Variants in FLNB observed in about 807,000 individuals in gnomAD.
The protein encoded by FLNB is filamin B, also known as filamin-B.
A neutral mutation model predicts 250.6 loss-of-function variants in FLNB; 111 were observed. The ratio of observed to expected loss-of-function variants is 0.44; its 90% CI spans 0.38 to 0.52. FLNB has a LOEUF of 0.52. Among genes scored for constraint, FLNB ranks in the 20% least tolerant of loss-of-function variants. The pLI is 0.00. For missense variants in FLNB, 2,869 were observed against 3,447.8 expected (o/e 0.83, Z 4.20); for synonymous variants, 1,302 against 1,372.1 (o/e 0.95, Z 1.13).
At chr3:58,058,975 A>G (rs2097174288) in intron 1 of FLNB, among the ~76,000 whole-genome samples, 1 of 152,226 alleles carries the variant, frequency 6.6e-6, no homozygotes, top group South Asian at 2.1e-4. Flanking sequence ...TGGAGATAAA[A>G]TTTTTAAACA....
intron 9 of FLNB, among the ~76,000 whole-genome samples, chr3:58,103,611 G>A (rs2107090058): frequency 6.6e-6 from 1 of 152,254 alleles, no homozygotes; most frequent in African/African-American, 2.4e-5. Flanking sequence ...GACTAGGAAG[G>A]GTAGCTATGA....
At chr3:58,052,052 AGTTTTTGT>A (rs1262500316) in intron 1 of FLNB, among the ~76,000 whole-genome samples, 1 of 151,908 alleles carries the variant, frequency 6.6e-6, no homozygotes, top group African/African-American at 2.4e-5. Context: ...ACACCCTGCT[AGTTTTTGT>A]GTTTTTACTA....
At chr3:58,106,061 C>T (rs2097259001) in intron 11 of FLNB, among the ~76,000 whole-genome samples, 2 of 152,012 alleles carry the variant, frequency 1.3e-5, no homozygotes, top group African/African-American at 2.4e-5. Context: ...TATCTTTATG[C>T]GTAAATATAG....
In FLNB at chr3:58,105,074, C is replaced by A. The variant is rs201517703; in HGVS notation, c.1611-6C>A. The A allele has an allele frequency of 1.2e-6, 2 of 1,614,238 alleles. No homozygotes were observed. The highest frequency in any genetic ancestry group is 4.5e-5 in the East Asian group (2 of 44,886). ...TTTGATGCTTCTTCTATTCCTTTCC[C>A]TGTAGCCCCTTTGAAGTTCAAGTTG... On this transcript the variant is annotated splice_polypyrimidine_tract_variant and splice_region_variant and intron_variant, in intron 10 of 45. Transcript: ENST00000295956.
intron 1 of FLNB, among the ~76,000 whole-genome samples, chr3:58,015,253 T>C (rs755816146): frequency 2.0e-5 from 3 of 152,188 alleles, no homozygotes; most frequent in Non-Finnish European, 4.4e-5. Context: ...GGGAGCATTA[T>C]ATTTGATGAG....
intron 25 of FLNB, chr3:58,131,958 C>A: frequency 6.5e-7 from 1 of 1,537,192 alleles, no homozygotes; most frequent in Non-Finnish European, 8.7e-7. Context: ...CATGGCGCAG[C>A]CCCTTGAAAG....
chr3:58,168,755 T>A, intron 44 of FLNB, 97 bp downstream of exon 44: 1 of 895,654 alleles, frequency 1.1e-6, no homozygotes, highest in Non-Finnish European at 1.8e-6. Context: ...TTAGATGTGT[T>A]AAAGCTACTT....
rs145526641 is a variant in FLNB at position 58,161,991 on chromosome 3, T to C, written c.7022-1163T>C. On this transcript the variant is annotated intron_variant, in intron 42 of 45. Transcript: ENST00000295956. ...TGGCTAAAGAAATGCCATGTGCTCA[T>C]TGACTAAGGCTTAGTGAAGAAGGAT... 6.6e-4 allele frequency among the ~76,000 whole-genome samples: 100 copies of C among 152,290 alleles called. 3 individuals are homozygous for C. In the East Asian group the frequency reaches 0.016, roughly 25 times the overall value.
intron 19 of FLNB, 130 bp from the exon 20 acceptor site, chr3:58,121,111 C>A: frequency 2.6e-6 from 3 of 1,141,806 alleles, no homozygotes; most frequent in East Asian, 2.3e-5. Context: ...TTGTCCTCTG[C>A]AGCAGCTGTT....
chr3:58,168,798 G>A (rs2097375523), intron 44 of FLNB, 140 bp downstream of exon 44: 3 of 715,488 alleles, frequency 4.2e-6, no homozygotes, highest in South Asian at 3.0e-5. Flanking sequence ...AGTATGAGAT[G>A]TCAGAGGGCA....
chr3:58,012,640 T>A (rs780482212), intron 1 of FLNB, among the ~76,000 whole-genome samples: 10 of 152,192 alleles, frequency 6.6e-5, no homozygotes, highest in Non-Finnish European at 1.2e-4. Flanking sequence ...GGATGAATCC[T>A]CTGGGCTGTG....
At chr3:58,073,163 A>G (rs1303203031) in intron 1 of FLNB, among the ~76,000 whole-genome samples, 2 of 151,414 alleles carry the variant, frequency 1.3e-5, no homozygotes, top group Non-Finnish European at 2.9e-5. Flanking sequence ...TTATTTATTT[A>G]TTTATTTATT....
chr3:58,059,516 A>G (rs1457087809), intron 1 of FLNB, among the ~76,000 whole-genome samples: 1 of 152,140 alleles, frequency 6.6e-6, no homozygotes, highest in African/African-American at 2.4e-5. Flanking sequence ...TAAGGTGCAG[A>G]CTGTTTAGAT....
At position 58,008,902 on chromosome 3, in the gene FLNB, G is replaced by C. The variant is rs545830406; in HGVS notation, c.292+46G>C. On this transcript the variant is annotated intron_variant, in intron 1 of 45. Transcript: ENST00000295956. Reference sequence around the variant, plus strand: ...CAGGCGCCCACTGTGGTGCCGACCCGCCCCCGCGCGTGCACCCCTGCGGAG... The same window carrying C: ...CAGGCGCCCACTGTGGTGCCGACCCCCCCCCGCGCGTGCACCCCTGCGGAG... 9 of 1,608,198 alleles carry C rather than the reference G, an allele frequency of 5.6e-6. No individual in the cohort carries two copies. In the African/African-American group the frequency reaches 6.7e-5, roughly 12 times the overall value.
At chr3:58,056,026 G>A (rs1050821463) in intron 1 of FLNB, among the ~76,000 whole-genome samples, 15 of 151,578 alleles carry the variant, frequency 9.9e-5, no homozygotes, top group Non-Finnish European at 1.8e-4. Context: ...TAATACACCT[G>A]TGTTTTATGG....
At chr3:58,078,505 G>A (rs544099876) in intron 2 of FLNB, 71 of 1,536,282 alleles carry the variant, frequency 4.6e-5, no homozygotes, top group East Asian at 1.7e-4. Flanking sequence ...CATAGCACCC[G>A]GAGGAGAAGT....
At chr3:58,149,578 G>C (rs191911587) in intron 36 of FLNB, 308 of 511,080 alleles carry the variant, frequency 6.0e-4, no homozygotes, top group Non-Finnish European at 9.5e-4. Context: ...CAGTTTGTAC[G>C]GGACACATCA....
chr3:58,138,619 C>T (rs984225405), intron 29 of FLNB, 90 bp downstream of exon 29: 60 of 1,545,892 alleles, frequency 3.9e-5, no homozygotes, highest in Non-Finnish European at 5.2e-5. Flanking sequence ...ATATCCTCTT[C>T]ACCTTTTTTT....
chr3:58,123,841 T>C lies in FLNB; in HGVS notation c.3724+151T>C, dbSNP rs2097293167. 1.0e-5 allele frequency: 7 copies of C among 686,584 alleles called. No homozygotes were observed. In the South Asian group the frequency reaches 1.2e-4, roughly 12 times the overall value. 42.5% of individuals were successfully genotyped at this position (686,584 alleles called of 1,614,324 possible). The stretch of plus-strand genomic sequence containing the variant: ...CTGTTCCCTCTGCCTCGGGGAGTAG[T>C]TGGGGGGCCCTGGTGAAGGTTAAGC... On this transcript the variant is annotated intron_variant, in intron 21 of 45. Coordinates refer to ENST00000295956, the MANE Select transcript of FLNB (RefSeq NM_001457.4).
Sources: allele counts gnomAD v4.1 joint callset (sites outside exome capture counted in the v4.1 genomes callset), GRCh38; gene constraint gnomAD v4.1.1; transcripts MANE v1.5; gene names NCBI Gene and HGNC (gene_info 2026-07-23, HGNC 2026-07-21).